The following PTPRD variants were observed in gnomAD, a reference collection of about 807,000 sequenced individuals.
PTPRD encodes the protein receptor-type tyrosine-protein phosphatase delta.
A neutral mutation model predicts 214.5 loss-of-function variants in PTPRD; 34 were observed. The ratio of observed to expected loss-of-function variants is 0.16; its 90% CI spans 0.12 to 0.21. The LOEUF (loss-of-function observed/expected upper bound fraction) is 0.21, where lower values mean the gene tolerates loss of function less well. Ranked by LOEUF, PTPRD falls within the 10% of genes least tolerant of loss-of-function variation. PTPRD has a pLI of 1.00. For synonymous variants in PTPRD, 1,128 were observed against 845.7 expected (o/e 1.33, Z -5.79); for missense variants, 2,545 against 2,398.7 (o/e 1.06, Z -1.27).
chr9:9,156,103 G>A (rs908920305), intron 10 of PTPRD, among the ~76,000 whole-genome samples: 2 of 151,984 alleles, frequency 1.3e-5, no homozygotes, highest in African/African-American at 4.8e-5. Context: ...TGTTTATTTA[G>A]GTGTAAAACA....
At chr9:10,460,912 T>C (rs2098953586) in intron 2 of PTPRD, among the ~76,000 whole-genome samples, 1 of 152,098 alleles carries the variant, frequency 6.6e-6, no homozygotes, top group Non-Finnish European at 1.5e-5. Context: ...AATAAAAAGT[T>C]TCTTCTCAGC....
chr9:10,379,127 T>C (rs1356623719), intron 2 of PTPRD, among the ~76,000 whole-genome samples: 1 of 151,916 alleles, frequency 6.6e-6, no homozygotes, highest in East Asian at 1.9e-4. Flanking sequence ...CAGTCACTGT[T>C]GGCATAGAGA....
chr9:9,957,214 G>C (rs1347328740), intron 4 of PTPRD, among the ~76,000 whole-genome samples: 3 of 152,060 alleles, frequency 2.0e-5, no homozygotes, highest in Non-Finnish European at 4.4e-5. Context: ...ACATCCATGG[G>C]AACATTAACA....
chr9:8,314,445 GTTAT>G lies in PTPRD; in HGVS notation c.*3425_*3428del, dbSNP rs753515131. On this transcript the variant is annotated 3_prime_UTR_variant, in exon 46 of 46. Coordinates refer to ENST00000381196, the MANE Select transcript of PTPRD (RefSeq NM_002839.4). ...TATTTTTTAACAAGCCATTTTACAA[GTTAT>G]TTGTTTTAATTTTTCAGTCTATGCA... 4.3e-5 allele frequency: 10 copies of G among 230,838 alleles called. No individual in the cohort carries two copies. Among genetic ancestry groups the G allele is most frequent in the Middle Eastern group, 1.3e-3 (1 of 794 alleles). The allele number at this position is 230,838 out of a possible 1,614,324, so 14.3% of individuals were successfully genotyped here.
intron 36 of PTPRD, among the ~76,000 whole-genome samples, chr9:8,400,331 G>A (rs1482120655): frequency 2.0e-5 from 3 of 152,050 alleles, no homozygotes; most frequent in East Asian, 3.9e-4. Context: ...CAATATTTAA[G>A]GTAAGCAGAT....
chr9:8,586,526 G>A (rs1382261154), intron 14 of PTPRD, among the ~76,000 whole-genome samples: 2 of 151,996 alleles, frequency 1.3e-5, no homozygotes, highest in Non-Finnish European at 2.9e-5. Context: ...TCAAAAAAAG[G>A]GAACCTAACA....
chr9:8,837,915 T>C (rs1319421632), intron 11 of PTPRD, among the ~76,000 whole-genome samples: 1 of 152,212 alleles, frequency 6.6e-6, no homozygotes, highest in African/African-American at 2.4e-5. Flanking sequence ...AAAAGTTGAC[T>C]ACAATTAAAT....
intron 9 of PTPRD, among the ~76,000 whole-genome samples, chr9:9,283,703 T>G (rs1595130342): frequency 6.6e-6 from 1 of 151,396 alleles, no homozygotes; most frequent in South Asian, 2.1e-4. Flanking sequence ...GGAAAAAAAA[T>G]AAAAAATTGT....
rs139651943 is a variant in PTPRD, at chr9:9,499,656, A to G, written c.-237+75076T>C. Among the ~76,000 whole-genome samples the G allele has an allele frequency of 1.4e-3, 206 of 152,172 alleles. 1 individual carries two copies. Among genetic ancestry groups the G allele is most frequent in the African/African-American group, 4.8e-3 (200 of 41,548 alleles). ...GGCAAACATTCTGTACACAGCAGGAACTCAGCAAAACAGCCTGTTTCTTCT... is the reference window on the plus strand; with the variant it reads ...GGCAAACATTCTGTACACAGCAGGAGCTCAGCAAAACAGCCTGTTTCTTCT... On this transcript the variant is annotated intron_variant, in intron 8 of 45. Transcript: ENST00000381196.
chr9:10,173,525 C>A (rs570843741), intron 3 of PTPRD, among the ~76,000 whole-genome samples: 17 of 152,230 alleles, frequency 1.1e-4, no homozygotes, highest in African/African-American at 4.1e-4. Context: ...CAAATTTCCA[C>A]ACATTCCCAG....
chr9:9,502,094 C>T lies in PTPRD; in HGVS notation c.-237+72638G>A, dbSNP rs934943486. ...CATATTCATCACCTCCTAAAGGTTC[C>T]GCTTGCTCTCATTTATCATCATTTT... On this transcript the variant is annotated intron_variant, in intron 8 of 45. Coordinates refer to ENST00000381196, the MANE Select transcript of PTPRD (RefSeq NM_002839.4). Among the ~76,000 whole-genome samples the T allele has an allele frequency of 5.9e-5, 9 of 151,800 alleles. 1 individual carries two copies. Among genetic ancestry groups the T allele is most frequent in the African/African-American group, 9.7e-5 (4 of 41,362 alleles).
chr9:10,595,900 A>G (rs139025376), intron 2 of PTPRD, among the ~76,000 whole-genome samples: 1,551 of 151,912 alleles, frequency 0.01, 32 homozygotes, highest in African/African-American at 0.035. Context: ...AGTGTATATC[A>G]AAGACTGCGA....
chr9:10,488,390 C>T (rs959230090), intron 2 of PTPRD, among the ~76,000 whole-genome samples: 4 of 143,454 alleles, frequency 2.8e-5, no homozygotes, highest in African/African-American at 1.0e-4. Flanking sequence ...AAAAAAAAGA[C>T]TGCCAGGTCA....
intron 4 of PTPRD, among the ~76,000 whole-genome samples, chr9:9,942,041 T>G (rs1248046555): frequency 6.6e-6 from 1 of 152,168 alleles, no homozygotes; most frequent in Non-Finnish European, 1.5e-5. Flanking sequence ...GACTAGGTAA[T>G]GAATTCCTGT....
chr9:9,639,344 G>A (rs185585383), intron 7 of PTPRD, among the ~76,000 whole-genome samples: 38 of 152,272 alleles, frequency 2.5e-4, no homozygotes, highest in Non-Finnish European at 3.4e-4. Context: ...TGAACGGACA[G>A]ATGAATACCA....
chr9:9,010,697 T>C (rs2099508139), intron 11 of PTPRD, among the ~76,000 whole-genome samples: 1 of 152,182 alleles, frequency 6.6e-6, no homozygotes, highest in African/African-American at 2.4e-5. Flanking sequence ...TAACCCAGGA[T>C]GATCCTTGAT....
chr9:9,489,727 A>G (rs1250126027), intron 8 of PTPRD, among the ~76,000 whole-genome samples: 1 of 152,160 alleles, frequency 6.6e-6, no homozygotes, highest in Non-Finnish European at 1.5e-5. Flanking sequence ...TAAATTAGAA[A>G]GGGAAAAGAC....
At chr9:9,427,005 T>C (rs2081221885) in intron 8 of PTPRD, among the ~76,000 whole-genome samples, 1 of 152,128 alleles carries the variant, frequency 6.6e-6, no homozygotes, top group Admixed American at 6.5e-5. Context: ...ACACCTCTTC[T>C]CCTCCAAAGG....
At chr9:10,401,650 T>C (rs1226358197) in intron 2 of PTPRD, among the ~76,000 whole-genome samples, 6 of 148,608 alleles carry the variant, frequency 4.0e-5, no homozygotes, top group Admixed American at 3.4e-4. Context: ...TCTAATACTA[T>C]AGATATACTG....
Sources: gnomAD v4.1 joint callset for allele counts (sites outside exome capture counted in the v4.1 genomes callset) on GRCh38, gnomAD v4.1.1 for gene constraint, MANE v1.5 for transcripts, NCBI Gene and HGNC (gene_info 2026-07-23, HGNC 2026-07-21) for gene names.